The following WDR7 variants were observed in gnomAD, a reference collection of about 807,000 sequenced individuals.
WDR7 encodes the protein WD repeat-containing protein 7.
A neutral mutation model predicts 169.4 loss-of-function variants in WDR7; 46 were observed. That is an observed-to-expected ratio of 0.27 (90% CI 0.21 to 0.35). WDR7 has a LOEUF of 0.35. Among genes scored for constraint, WDR7 ranks in the 10% least tolerant of loss-of-function variants. The pLI, the probability that WDR7 is intolerant of heterozygous loss-of-function variation, is 1.00. For synonymous variants in WDR7, 612 were observed against 666.8 expected (o/e 0.92, Z 1.27); for missense variants, 1,534 against 1,859.3 (o/e 0.83, Z 3.22).
intron 19 of WDR7, among the ~76,000 whole-genome samples, chr18:56,809,193 TG>T (rs1479293052): frequency 6.6e-6 from 1 of 152,206 alleles, no homozygotes; most frequent in South Asian, 2.1e-4. Flanking sequence ...GGATACTCAC[TG>T]GTTTTTTACC....
intron 15 of WDR7, among the ~76,000 whole-genome samples, chr18:56,757,858 A>G (rs2043920223): frequency 1.3e-5 from 2 of 151,954 alleles, no homozygotes; most frequent in South Asian, 4.2e-4. Flanking sequence ...AGTCCCAGCT[A>G]CTTGGGGGGC....
intron 26 of WDR7, among the ~76,000 whole-genome samples, chr18:56,968,912 T>C (rs950189969): frequency 6.6e-6 from 1 of 152,200 alleles, no homozygotes; most frequent in African/African-American, 2.4e-5. Context: ...TTAATTCTTA[T>C]CACTCTACTG....
At chr18:56,918,204 A>G (rs563607335) in intron 21 of WDR7, among the ~76,000 whole-genome samples, 1 of 152,342 alleles carries the variant, frequency 6.6e-6, no homozygotes, top group Non-Finnish European at 1.5e-5. Flanking sequence ...CACCTAGCTT[A>G]TAGGTAAGAA....
In WDR7 at chr18:56,694,612, T is replaced by C. The variant is rs1275867183; in HGVS notation, c.967-7T>C. On this transcript the variant is annotated splice_polypyrimidine_tract_variant and splice_region_variant and intron_variant, in intron 9 of 27. Coordinates refer to ENST00000254442, the MANE Select transcript of WDR7 (RefSeq NM_015285.3). ...AGCTAAAGATATTCAAATACTTTTTTTGGCAGTTGCTAATTTGTCCTCCTG... is the reference window on the plus strand; with the variant it reads ...AGCTAAAGATATTCAAATACTTTTTCTGGCAGTTGCTAATTTGTCCTCCTG... 2 of 1,602,948 alleles carry C rather than the reference T, an allele frequency of 1.2e-6. No individual in the cohort carries two copies. Among genetic ancestry groups the C allele is most frequent in the South Asian group, 2.2e-5 (2 of 88,986 alleles).
At chr18:56,857,383 AG>A (rs1302094064) in intron 20 of WDR7, among the ~76,000 whole-genome samples, 1 of 151,878 alleles carries the variant, frequency 6.6e-6, no homozygotes, top group Non-Finnish European at 1.5e-5. Context: ...CTCAGCCTCC[AG>A]GGTAGCTGGG....
At position 56,771,429 on chromosome 18, in the gene WDR7, T is replaced by C. The variant is rs575739614; in HGVS notation, c.2849-5353T>C. ...TTAGGAGATGTGTGTTTCTTAAAAA[T>C]GTGTAGGAAAGGTGGAGCGTGGTGG... On this transcript the variant is annotated intron_variant, in intron 16 of 27. Transcript: ENST00000254442. Among the ~76,000 whole-genome samples, 10 of 152,006 alleles carry C rather than the reference T, an allele frequency of 6.6e-5. No homozygotes were observed. The South Asian group carries it at 1.5e-3, about 22-fold the overall frequency.
In WDR7 at chr18:56,757,206, G is replaced by A. The variant is rs754721238; in HGVS notation, c.2613G>A (p.Ala871=). Residue 871 remains alanine (A), a synonymous_variant, in exon 15 of 28, where the codon GCG becomes GCA. Transcript: ENST00000254442. Reference sequence around the variant, plus strand: ...CAGAAGTAGGAAGGAAGCTGCCAGCGTCTGAGGGAGTAGGAAAGGGAACTT... The same window carrying A: ...CAGAAGTAGGAAGGAAGCTGCCAGCATCTGAGGGAGTAGGAAAGGGAACTT... ...GKTEVGRKLP[A]SEGVGKGTYG... The A allele has an allele frequency of 2.4e-5, 38 of 1,613,924 alleles. No individual in the cohort carries two copies. Among genetic ancestry groups the A allele is most frequent in the Middle Eastern group, 1.6e-4 (1 of 6,084 alleles).
At position 57,007,105 on chromosome 18, in the gene WDR7, G is replaced by A. The variant is rs1156273874; in HGVS notation, c.4165-13640G>A. ...CGCCATTCTCCTGCCTCAGCCTCCC[G>A]AGTAGCTGCGACTACAGGCGCCCGC... is the stretch of plus-strand genomic sequence containing the variant. On this transcript the variant is annotated intron_variant, in intron 26 of 27. Transcript: ENST00000254442. Among the ~76,000 whole-genome samples the A allele has an allele frequency of 4.0e-5, 6 of 150,570 alleles. No individual in the cohort carries two copies. In the East Asian group the frequency reaches 5.9e-4, roughly 15 times the overall value.
intron 26 of WDR7, among the ~76,000 whole-genome samples, chr18:56,971,657 A>C (rs987869588): frequency 6.6e-6 from 1 of 152,138 alleles, no homozygotes; most frequent in Non-Finnish European, 1.5e-5. Context: ...CCTGAAGGAG[A>C]GGATATCTGA....
rs765205475 is a variant in WDR7 at position 56,757,095 on chromosome 18, G to A, written c.2502G>A (p.Ser834=). The stretch of plus-strand genomic sequence containing the variant: ...TGCTGAAACCCCACTGCACCGTATC[G>A]TTTGGCCTCTTGTCAAGAGGAGGCC... ...LGMLKPHCTV[S]FGLLSRGGHM... Residue 834 remains serine, a synonymous_variant, in exon 15 of 28, where the codon TCG becomes TCA. Transcript: ENST00000254442. 39 of 1,613,974 alleles carry A rather than the reference G, an allele frequency of 2.4e-5. No individual in the cohort carries two copies. In the Admixed American group the frequency reaches 2.8e-4, roughly 12 times the overall value.
At chr18:56,840,462 A>C (rs926730922) in intron 20 of WDR7, among the ~76,000 whole-genome samples, 6 of 152,162 alleles carry the variant, frequency 3.9e-5, no homozygotes, top group Admixed American at 3.9e-4. Context: ...ATAATATCAA[A>C]CTAAGTACTT....
chr18:56,694,525 C>A, intron 9 of WDR7, 94 bp from the exon 10 acceptor site: 1 of 1,301,814 alleles, frequency 7.7e-7, no homozygotes, highest in Non-Finnish European at 1.0e-6. Flanking sequence ...GCTACTGGGA[C>A]AAATTACCTA....
chr18:56,806,982 A>G (rs921447479), intron 19 of WDR7, among the ~76,000 whole-genome samples: 1 of 152,000 alleles, frequency 6.6e-6, no homozygotes, highest in Non-Finnish European at 1.5e-5. Flanking sequence ...ACATCTTAAC[A>G]TCCCCTTTTT....
chr18:56,776,698 A>C (rs998480917), intron 16 of WDR7, 84 bp from the exon 17 acceptor site: 8 of 1,188,790 alleles, frequency 6.7e-6, no homozygotes, highest in Non-Finnish European at 7.5e-6. Flanking sequence ...TTTGTTTTTC[A>C]TTCTTCACTA....
chr18:56,866,617 A>G (rs959560144), intron 20 of WDR7, among the ~76,000 whole-genome samples: 3 of 152,092 alleles, frequency 2.0e-5, no homozygotes, highest in African/African-American at 7.2e-5. Context: ...TGCTAATAGG[A>G]GAAATTATGT....
chr18:57,010,779 G>C (rs2048124529), intron 26 of WDR7, among the ~76,000 whole-genome samples: 1 of 152,118 alleles, frequency 6.6e-6, no homozygotes. Context: ...ATTATCTGCA[G>C]CAAGAAAAGG....
chr18:56,750,800 A>G (rs1172973454), intron 14 of WDR7, among the ~76,000 whole-genome samples: 1 of 152,196 alleles, frequency 6.6e-6, no homozygotes, highest in Non-Finnish European at 1.5e-5. Context: ...CTATATTACA[A>G]TATCAGACAT....
chr18:56,883,277 C>T (rs1239701231), intron 21 of WDR7, among the ~76,000 whole-genome samples: 2 of 150,040 alleles, frequency 1.3e-5, no homozygotes, highest in Non-Finnish European at 3.0e-5. Flanking sequence ...TGCATTCAGG[C>T]TCTGGGCTGG....
At chr18:57,001,047 AAGAGAGAGAGAGAGAGAGAGAGAGAG>A (rs10536689) in intron 26 of WDR7, among the ~76,000 whole-genome samples, 42,665 of 129,366 alleles carry the variant, frequency 0.33, 6,645 homozygotes, top group Non-Finnish European at 0.39. Flanking sequence ...ATCTCTACAA[AAGAGAGAGAGAGAGAGAGAGAGAGAG>A]AGAGAGAGAG....
Sources: gnomAD v4.1 joint callset for allele counts (sites outside exome capture counted in the v4.1 genomes callset) on GRCh38, gnomAD v4.1.1 for gene constraint, MANE v1.5 for transcripts, NCBI Gene and HGNC (gene_info 2026-07-23, HGNC 2026-07-21) for gene names.